DYSF: variants seen among roughly 807,000 people sequenced by gnomAD.
DYSF encodes dystrophy-associated fer-1-like 1.
DYSF carries 212 observed loss-of-function variants against 274.9 expected under a neutral mutation model. The ratio of observed to expected loss-of-function variants is 0.77; its 90% confidence interval spans 0.69 to 0.86. The LOEUF (loss-of-function observed/expected upper bound fraction) is 0.86. Ranked by LOEUF, DYSF falls within the 40% of genes least tolerant of loss-of-function variation. The pLI, the probability that DYSF is intolerant of heterozygous loss-of-function variation, is 0.00. For synonymous variants in DYSF, 1,091 were observed against 1,078.7 expected (o/e 1.01, Z -0.22); for missense variants, 2,666 against 2,783.2 (o/e 0.96, Z 0.95).
chr2:71,617,636 G>A (rs1242845092), intron 40 of DYSF, among the ~76,000 whole-genome samples: 2 of 149,728 alleles, frequency 1.3e-5, no homozygotes, highest in Non-Finnish European at 3.0e-5. Flanking sequence ...TGATGTGTGT[G>A]GCAGAGGTGG....
chr2:71,618,183 T>G (rs1390212873), intron 40 of DYSF, among the ~76,000 whole-genome samples: 4 of 92,082 alleles, frequency 4.3e-5, no homozygotes, highest in South Asian at 3.8e-4. Flanking sequence ...AGAGGTGGGG[T>G]ATAAGTGTGT....
At chr2:71,485,739 A>G (rs986502609) in intron 3 of DYSF, among the ~76,000 whole-genome samples, 3 of 152,244 alleles carry the variant, frequency 2.0e-5, no homozygotes, top group Non-Finnish European at 4.4e-5. Context: ...ACCAGGGAGT[A>G]ACAAGAATGA....
At chr2:71,530,989 GGA>G (rs1300948852) in intron 14 of DYSF, among the ~76,000 whole-genome samples, 1 of 152,064 alleles carries the variant, frequency 6.6e-6, no homozygotes, top group African/African-American at 2.4e-5. Flanking sequence ...TAGGAGTGTG[GGA>G]GAGTGTGTGC....
At chr2:71,555,343 G>A (rs1333680028) in intron 21 of DYSF, among the ~76,000 whole-genome samples, 3 of 152,144 alleles carry the variant, frequency 2.0e-5, no homozygotes, top group Admixed American at 6.5e-5. Flanking sequence ...AGGCTGCTGG[G>A]TGGGGAGGGG....
intron 36 of DYSF, 118 bp downstream of exon 36, chr2:71,602,923 T>C: frequency 1.6e-6 from 2 of 1,240,726 alleles, no homozygotes; most frequent in East Asian, 4.8e-5. Flanking sequence ...ATCTGTCACA[T>C]GGAGACCTGT....
chr2:71,580,249 C>T lies in DYSF; in HGVS notation c.3402+5878C>T, dbSNP rs77183267. 3.2e-3 allele frequency among the ~76,000 whole-genome samples: 486 copies of T among 152,352 alleles called. 5 individuals carry two copies. Among genetic ancestry groups the T allele is most frequent in the South Asian group, 0.021 (100 of 4,830 alleles). On this transcript the variant is annotated intron_variant, in intron 30 of 55. Coordinates refer to ENST00000410020, the MANE Select transcript of DYSF (RefSeq NM_001130987.2). ...GGCAGCTAGAGAGGAGCTGGCCCCC[C>T]GGCCCCAACCCTGGGAAACCTCCAG... is the stretch of plus-strand genomic sequence containing the variant.
At chr2:71,583,074 A>T (rs926523679) in intron 30 of DYSF, among the ~76,000 whole-genome samples, 7 of 151,610 alleles carry the variant, frequency 4.6e-5, no homozygotes, top group African/African-American at 1.7e-4. Flanking sequence ...AAAAAAGAGA[A>T]ATTAGAATGA....
In DYSF at chr2:71,673,131, G is replaced by A. The variant is rs1019268690; in HGVS notation, c.5785-1066G>A. On this transcript the variant is annotated intron_variant, in intron 51 of 55. Transcript: ENST00000410020. Reference sequence around the variant, plus strand: ...GCCCTTGCTCTGACCCGGCACTCAGGACTTGGCACCCACCATCTGCAGGGT... The same window carrying A: ...GCCCTTGCTCTGACCCGGCACTCAGAACTTGGCACCCACCATCTGCAGGGT... 2.4e-4 allele frequency among the ~76,000 whole-genome samples: 37 copies of A among 152,216 alleles called. 1 individual carries two copies. The highest frequency in any genetic ancestry group is 5.1e-4 in the Non-Finnish European group (35 of 68,042).
chr2:71,667,693 T>C (rs1163771081), intron 48 of DYSF, among the ~76,000 whole-genome samples, 178 bp downstream of exon 48: 1 of 152,058 alleles, frequency 6.6e-6, no homozygotes, highest in Non-Finnish European at 1.5e-5. Context: ...GATCTTTAGG[T>C]CCTGGCTTCC....
At chr2:71,622,749 G>T (rs2094133980) in intron 41 of DYSF, among the ~76,000 whole-genome samples, 1 of 152,092 alleles carries the variant, frequency 6.6e-6, no homozygotes, top group South Asian at 2.1e-4. Flanking sequence ...CTGAGTAGCT[G>T]GGATTACAGG....
intron 20 of DYSF, 55 bp from the exon 21 acceptor site, chr2:71,553,752 A>AACCC: frequency 7.5e-6 from 2 of 267,800 alleles, no homozygotes; most frequent in Non-Finnish European, 1.3e-5. Flanking sequence ...TTAGCACCCC[A>AACCC]TCCCACCCGC....
chr2:71,478,357 G>A (rs1274909314), intron 1 of DYSF, among the ~76,000 whole-genome samples: 2 of 151,870 alleles, frequency 1.3e-5, no homozygotes, highest in East Asian at 3.9e-4. Context: ...GACTACAGGT[G>A]CCAGCCACCA....
At position 71,669,831 on chromosome 2, in the gene DYSF, A is replaced by G; in HGVS notation, c.5784+85A>G. ...CTGACCACCACGTCCCTGCCTGGCA[A>G]CTGTCACAATCTCACTGCTGCCCCA... On this transcript the variant is annotated intron_variant, in intron 51 of 55. Transcript: ENST00000410020. The G allele has an allele frequency of 2.5e-6, 4 of 1,578,192 alleles. No individual in the cohort carries two copies. The East Asian group carries it at 6.7e-5, about 26-fold the overall frequency.
At position 71,551,056 on chromosome 2, in the gene DYSF, G is replaced by T. The variant is rs1258881468; in HGVS notation, c.1592G>T (p.Gly531Val). The change falls in exon 18 of 56, where the codon GGC becomes GTC. Residue 531 changes from glycine (G) to valine (V), a missense_variant. By Grantham distance (109) the Gly-to-Val change is moderately radical. This residue lies in a region of DYSF where 794 missense variants were observed against 777.1 expected (regional missense o/e 1.02). Transcript: ENST00000410020. ...TGTCTCCCAGTGGATGACTACCTGG[G>T]CTTCCTCCCCACTTTTGGGCCCTGC... The part of the protein sequence containing the change: ...GGEIEVDDYL[G>V]FLPTFGPCYI... 1 of 1,613,974 alleles carries T rather than the reference G, an allele frequency of 6.2e-7. No homozygotes were observed. The highest frequency in any genetic ancestry group is 1.1e-5 in the South Asian group (1 of 91,088).
At chr2:71,563,546 C>G (rs2091907952) in intron 23 of DYSF, among the ~76,000 whole-genome samples, 1 of 152,208 alleles carries the variant, frequency 6.6e-6, no homozygotes, top group Non-Finnish European at 1.5e-5. Context: ...AGTCCAGTGT[C>G]TTCAGGCCAT....
chr2:71,537,844 AG>A (rs2152764926), intron 16 of DYSF, among the ~76,000 whole-genome samples: 2 of 152,112 alleles, frequency 1.3e-5, no homozygotes, highest in Non-Finnish European at 2.9e-5. Context: ...CAACAGGGAG[AG>A]GGGGTCTACG....
At chr2:71,646,176 G>A (rs114386224) in intron 42 of DYSF, among the ~76,000 whole-genome samples, 1,652 of 152,350 alleles carry the variant, frequency 0.011, 23 homozygotes, top group East Asian at 0.027. Flanking sequence ...GGGTGTGTGA[G>A]GTTGGGCAAA....
rs79083299 is a variant in DYSF at position 71,526,024 on chromosome 2, C to T, written c.1150-196C>T. The stretch of plus-strand genomic sequence containing the variant: ...AGTCCTGGAAGGTCAGTATCATGGT[C>T]TCTGCTGTACTCAAGAGGAAGCTGA... On this transcript the variant is annotated intron_variant, in intron 12 of 55. Transcript: ENST00000410020. Among the ~76,000 whole-genome samples the T allele has an allele frequency of 3.5e-3, 539 of 152,326 alleles. 5 individuals are homozygous for T. The highest frequency in any genetic ancestry group is 0.012 in the African/African-American group (518 of 41,572).
chr2:71,681,727 A>G (rs937112648), intron 54 of DYSF, among the ~76,000 whole-genome samples: 1 of 152,244 alleles, frequency 6.6e-6, no homozygotes, highest in African/African-American at 2.4e-5. Context: ...ACAGGGGCAG[A>G]GTCACTGAAA....
Sources: allele counts gnomAD v4.1 joint callset (sites outside exome capture counted in the v4.1 genomes callset), GRCh38; gene constraint gnomAD v4.1.1; regional missense constraint gnomAD v4.1.1; transcripts MANE v1.5; gene names NCBI Gene and HGNC (gene_info 2026-07-23, HGNC 2026-07-21).